HOXB5: variants seen among roughly 807,000 people sequenced by gnomAD.
The protein encoded by HOXB5 is homeobox protein Hox-B5.
A neutral mutation model predicts 19.6 loss-of-function variants in HOXB5; 10 were observed. The observed-to-expected ratio is 0.51, with a 90% confidence interval of 0.32 to 0.87. The LOEUF (loss-of-function observed/expected upper bound fraction) is 0.87, where lower values mean the gene tolerates loss of function less well. Ranked by LOEUF, HOXB5 falls within the 40% of genes least tolerant of loss-of-function variation. The probability of loss-of-function intolerance (pLI) is 0.04; values close to 1 mark genes in which losing one functional copy is unlikely to be tolerated. For synonymous variants in HOXB5, 167 were observed against 156.9 expected (o/e 1.06, Z -0.48); for missense variants, 353 against 369.6 (o/e 0.96, Z 0.37).
chr17:48,592,196 C>G lies in HOXB5; in HGVS notation c.*13G>C. 3 of 1,611,206 alleles carry G rather than the reference C, an allele frequency of 1.9e-6. No individual in the cohort carries two copies. The highest frequency in any genetic ancestry group is 2.5e-6 in the Non-Finnish European group (3 of 1,178,508). On this transcript the variant is annotated 3_prime_UTR_variant, in exon 2 of 2. Transcript: ENST00000239151. The stretch of plus-strand genomic sequence containing the variant: ...GCACGGGCTCTTGGGCCGCTGGGCT[C>G]CTCTGGGCGGGCTCAGGGCTGGAAG...
chr17:48,593,620 C>T lies in HOXB5; in HGVS notation c.63G>A (p.Leu21=), dbSNP rs757330670. The T allele has an allele frequency of 1.4e-5, 22 of 1,612,998 alleles. No individual in the cohort carries two copies. In the South Asian group the frequency reaches 2.4e-4, roughly 18 times the overall value. ...GRYPNGPDYQ[L]LNYGSGSSLS... ...GAGAGCTGCCACTGCCATAATTTAG[C>T]AACTGATAGTCCGGGCCATTTGGAT... Residue 21 remains leucine (L), a synonymous_variant, in exon 1 of 2, where the codon TTG becomes TTA. Coordinates refer to ENST00000239151, the MANE Select transcript of HOXB5 (RefSeq NM_002147.4).
chr17:48,591,986 G>A lies in HOXB5; in HGVS notation c.*223C>T, dbSNP rs868403638. ...CAGAAGGGAGTTGGGAGCATGGAAG[G>A]AAAATAATAATAATAATTATTATTA... On this transcript the variant is annotated 3_prime_UTR_variant, in exon 2 of 2. Coordinates refer to ENST00000239151, the MANE Select transcript of HOXB5 (RefSeq NM_002147.4). 3.1e-6 allele frequency: 1 copy of A among 320,524 alleles called. No homozygotes were observed. 19.9% of individuals were successfully genotyped at this position (320,524 alleles called of 1,614,324 possible).
intron 1 of HOXB5, 123 bp downstream of exon 1, chr17:48,592,998 C>T (rs920412271): frequency 6.8e-6 from 5 of 735,792 alleles, no homozygotes; most frequent in African/African-American, 5.3e-5. Context: ...CTCTTAGATA[C>T]TTCTCCCCCT....
chr17:48,593,398 G>C lies in HOXB5; in HGVS notation c.285C>G (p.Ser95=). 1 of 1,604,834 alleles carries C rather than the reference G, an allele frequency of 6.2e-7. No individual in the cohort carries two copies. The highest frequency in any genetic ancestry group is 8.5e-7 in the Non-Finnish European group (1 of 1,174,214). ...FRQAASSCSL[S]SPESLPCTNG... The stretch of plus-strand genomic sequence containing the variant: ...TGGTGCAGGGCAGGGACTCGGGCGA[G>C]GACAGGGAGCAGCTCGAAGCCGCTT... The change falls in exon 1 of 2, where the codon TCC becomes TCG. Residue 95 remains serine, a synonymous_variant. Transcript: ENST00000239151.
rs1473726783 is a variant in HOXB5, at chr17:48,593,564, A to T, written c.119T>A (p.Met40Lys). The T allele has an allele frequency of 1.2e-6, 2 of 1,613,182 alleles. No individual in the cohort carries two copies. Among genetic ancestry groups the T allele is most frequent in the South Asian group, 2.2e-5 (2 of 91,086 alleles). Residue 40 changes from methionine (M) to lysine (K), a missense_variant, in exon 1 of 2, where the codon ATG becomes AAG. Met to Lys is a moderately conservative substitution (Grantham distance 95). Transcript: ENST00000239151. ...ATTGTAGCCGTAAGAGCCGGTGTGC[A>T]TGGCAGCGGGATCCCTGTAAGAGCC... ...LSGSYRDPAA[M>K]HTGSYGYNYN...
Position 48,593,224 on chromosome 17 carries a change from G to A in HOXB5, c.459C>T (p.Ser153=). 6.2e-7 allele frequency: 1 copy of A among 1,613,676 alleles called. No individual in the cohort carries two copies. Among genetic ancestry groups the A allele is most frequent in the African/African-American group, 1.3e-5 (1 of 75,054 alleles). The part of the protein sequence containing the change: ...EEAASQLSSP[S]LARAQPEPMA... ...TGGGCTCTGGCTGCGCCCGAGCTAG[G>A]CTGGGGCTGCTTAGCTGGCTTGCCG... Residue 153 remains serine (S), a synonymous_variant, in exon 1 of 2, where the codon AGC becomes AGT. Transcript: ENST00000239151.
Position 48,593,382 on chromosome 17 carries a change from G to A in HOXB5, c.301C>T (p.Pro101Ser). 1 of 1,603,200 alleles carries A rather than the reference G, an allele frequency of 6.2e-7. No individual in the cohort carries two copies. The change falls in exon 1 of 2, where the codon CCC becomes TCC. Residue 101 changes from proline to serine, a missense_variant. Pro to Ser is a moderately conservative substitution (Grantham distance 74, BLOSUM62 -1). Coordinates refer to ENST00000239151, the MANE Select transcript of HOXB5 (RefSeq NM_002147.4). ...SCSLSSPESLPCTNGDSHGAK... is the reference protein window; with the variant it reads ...SCSLSSPESLSCTNGDSHGAK... ...CCGTGGCTGTCGCCGTTGGTGCAGGGCAGGGACTCGGGCGAGGACAGGGAG... is the reference window on the plus strand; with the variant it reads ...CCGTGGCTGTCGCCGTTGGTGCAGGACAGGGACTCGGGCGAGGACAGGGAG...
At position 48,591,903 on chromosome 17, in the gene HOXB5, G is replaced by C. The variant is rs1422718686; in HGVS notation, c.*306C>G. 1 of 192,256 alleles carries C rather than the reference G, an allele frequency of 5.2e-6. No individual in the cohort carries two copies. The highest frequency in any genetic ancestry group is 6.0e-5 in the Admixed American group (1 of 16,724). The allele number at this position is 192,256 out of a possible 1,614,324, so 11.9% of individuals were successfully genotyped here. On this transcript the variant is annotated 3_prime_UTR_variant, in exon 2 of 2. Coordinates refer to ENST00000239151, the MANE Select transcript of HOXB5 (RefSeq NM_002147.4). ...GAATTTCTTTTTTTTTTTTTCCTGG[G>C]GGAAAGACTGCAACCACAGACACAA...
In HOXB5 at chr17:48,593,778, G is replaced by T; in HGVS notation, c.-96C>A. The T allele has an allele frequency of 1.8e-6, 1 of 564,532 alleles. No homozygotes were observed. The highest frequency in any genetic ancestry group is 2.5e-6 in the Non-Finnish European group (1 of 406,474). 35.0% of individuals were successfully genotyped at this position (564,532 alleles called of 1,614,324 possible). A position where few individuals can be genotyped will look rare whatever the true frequency, so the allele number is the denominator to read the frequency against. On this transcript the variant is annotated 5_prime_UTR_variant, in exon 1 of 2. Coordinates refer to ENST00000239151, the MANE Select transcript of HOXB5 (RefSeq NM_002147.4). The stretch of plus-strand genomic sequence containing the variant: ...TATTAATGAATTATAGCGATGCACT[G>T]TACTTCGTTTTGCTATGTATGCGGC...
rs1291830647 is a variant in HOXB5, at chr17:48,592,430, C to T, written c.589G>A (p.Ala197Thr). The change falls in exon 2 of 2, where the codon GCC (alanine) becomes ACC (threonine). Residue 197 changes from alanine (A) to threonine (T), a missense_variant. Physicochemically the swap from Ala to Thr is moderately conservative, Grantham distance 58 (BLOSUM62 0). Transcript: ENST00000239151. ...HDMTGPDGKR[A>T]RTAYTRYQTL... ...TGGTAGCGGGTATACGCGGTCCGGG[C>T]CCTTTTCCCGTCCGGCCCGGTCATA... is the stretch of plus-strand genomic sequence containing the variant. 3.7e-6 allele frequency: 6 copies of T among 1,613,902 alleles called. No individual in the cohort carries two copies. The highest frequency in any genetic ancestry group is 1.7e-5 in the Admixed American group (1 of 60,008).
intron 1 of HOXB5, 134 bp downstream of exon 1, chr17:48,592,987 C>G (rs2070187137): frequency 1.6e-6 from 1 of 617,574 alleles, no homozygotes; most frequent in Non-Finnish European, 2.6e-6. Context: ...CTATGAGGCC[C>G]CTCTTAGATA....
chr17:48,593,306 G>T lies in HOXB5; in HGVS notation c.377C>A (p.Ser126Tyr), dbSNP rs755013825. 11 of 1,612,522 alleles carry T rather than the reference G, an allele frequency of 6.8e-6. No homozygotes were observed. Among genetic ancestry groups the T allele is most frequent in the Non-Finnish European group, 9.3e-6 (11 of 1,179,010 alleles). ...SPSDQATSASSSANFTEIDEA... is the reference protein window; with the variant it reads ...SPSDQATSASYSANFTEIDEA... ...GTCTATTTCGGTGAAATTGGCGCTGGAGCTGGCTGAGGTCGCCTGGTCGGA... is the reference window on the plus strand; with the variant it reads ...GTCTATTTCGGTGAAATTGGCGCTGTAGCTGGCTGAGGTCGCCTGGTCGGA... Residue 126 changes from serine to tyrosine, a missense_variant, in exon 1 of 2, where the codon TCC becomes TAC. By Grantham distance (144) the Ser-to-Tyr change is moderately radical. Coordinates refer to ENST00000239151, the MANE Select transcript of HOXB5 (RefSeq NM_002147.4).
chr17:48,593,527 CAT>C lies in HOXB5; in HGVS notation c.154_155del (p.Met52GlyfsTer91). 1.2e-6 allele frequency: 2 copies of C among 1,613,294 alleles called. No individual in the cohort carries two copies. The highest frequency in any genetic ancestry group is 8.5e-7 in the Non-Finnish European group (1 of 1,180,024). On this transcript the variant is annotated frameshift_variant, in exon 1 of 2. Transcript: ENST00000239151. LOFTEE classifies it high-confidence loss of function. ...CCGAGGAGCGGTTGACGCTGAGGTC[CAT>C]CCCATTGTAATTGTAGCCGTAAGAG... ...TGSYGYNYNGMDLSVNRSSAS... is the reference protein window; with the variant it reads ...TGSYGYNYNGXDLSVNRSSAS...
intron 1 of HOXB5, 68 bp downstream of exon 1, chr17:48,593,053 T>TGGCCCCCCCCCC: frequency 6.4e-6 from 4 of 621,650 alleles, no homozygotes; most frequent in East Asian, 6.1e-5. Flanking sequence ...GCTCTCCTTG[T>TGGCCCCCCCCCC]CCCCCCGATC....
chr17:48,593,269 C>T lies in HOXB5; in HGVS notation c.414G>A (p.Ala138=), dbSNP rs776340501. Residue 138 remains alanine, a synonymous_variant, in exon 1 of 2, where the codon GCG becomes GCA. Transcript: ENST00000239151. ...ANFTEIDEAS[A]SSEPEEAASQ... is the part of the protein sequence containing the mutation. The stretch of plus-strand genomic sequence containing the variant: ...TTGCCGCTTCCTCAGGCTCCGAGGA[C>T]GCGCTGGCCTCGTCTATTTCGGTGA... 4.3e-6 allele frequency: 7 copies of T among 1,613,652 alleles called. No individual in the cohort carries two copies. In the African/African-American group the frequency reaches 9.3e-5, roughly 22 times the overall value.
chr17:48,593,704 G>C lies in HOXB5; in HGVS notation c.-22C>G. 2 of 1,587,236 alleles carry C rather than the reference G, an allele frequency of 1.3e-6. No homozygotes were observed. The highest frequency in any genetic ancestry group is 1.1e-5 in the South Asian group (1 of 89,120). On this transcript the variant is annotated 5_prime_UTR_variant, in exon 1 of 2. The change creates a new upstream start codon in the 5' untranslated region. Transcript: ENST00000239151. ...TCATTTGGGTGATTTTGGAGGGCTT[G>C]ATTTGTGGATCGTGGTCGTTATAAC...
Position 48,592,055 on chromosome 17 carries a change from G to A in HOXB5, c.*154C>T. The A allele has an allele frequency of 1.4e-6, 1 of 708,846 alleles. No homozygotes were observed. Among genetic ancestry groups the A allele is most frequent in the African/African-American group, 1.8e-5 (1 of 55,884 alleles). The allele number at this position is 708,846 out of a possible 1,614,324, so 43.9% of individuals were successfully genotyped here. On this transcript the variant is annotated 3_prime_UTR_variant, in exon 2 of 2. Coordinates refer to ENST00000239151, the MANE Select transcript of HOXB5 (RefSeq NM_002147.4). Reference sequence around the variant, plus strand: ...CCAGTCCAGGAGAGAGGGAGCCACAGGAAGACCTAAGACCAAACGAAATAT... The same window carrying A: ...CCAGTCCAGGAGAGAGGGAGCCACAAGAAGACCTAAGACCAAACGAAATAT...
Position 48,592,213 on chromosome 17 carries a change from G to A in HOXB5, c.806C>T (p.Pro269Leu). The A allele has an allele frequency of 6.2e-7, 1 of 1,613,478 alleles. No homozygotes were observed. Among genetic ancestry groups the A allele is most frequent in the Non-Finnish European group, 8.5e-7 (1 of 1,179,806 alleles). The change falls in exon 2 of 2, where the codon CCC becomes CTC. Residue 269 changes from proline (P) to leucine (L), a missense_variant. Coordinates refer to ENST00000239151, the MANE Select transcript of HOXB5 (RefSeq NM_002147.4). ...GCTGGGCTCCTCTGGGCGGGCTCAG[G>A]GCTGGAAGGCGCTGCCAGCTGTAGC... is the stretch of plus-strand genomic sequence containing the variant. ...SLATAGSAFQ[P>L] is the part of the protein sequence containing the mutation.
At chr17:48,592,668 G>A (rs929772192) in intron 1 of HOXB5, among the ~76,000 whole-genome samples, 1 of 152,200 alleles carries the variant, frequency 6.6e-6, no homozygotes, top group Admixed American at 6.5e-5. Flanking sequence ...CAGTGCGCCC[G>A]GCTTTGTCTC....
Sources: allele counts gnomAD v4.1 joint callset (sites outside exome capture counted in the v4.1 genomes callset), GRCh38; gene constraint gnomAD v4.1.1; transcripts MANE v1.5; gene names NCBI Gene and HGNC (gene_info 2026-07-23, HGNC 2026-07-21).